The following VAV1 variants were observed in gnomAD, a reference collection of about 807,000 sequenced individuals.
VAV1 encodes the protein proto-oncogene vav.
VAV1 carries 33 observed loss-of-function variants against 128.1 expected under a neutral mutation model. That is an observed-to-expected ratio of 0.26 (90% CI 0.20 to 0.34). The LOEUF is 0.34. VAV1 is among the 10% of genes least tolerant of loss of function. The probability of loss-of-function intolerance (pLI) is 1.00; values close to 1 mark genes in which losing one functional copy is unlikely to be tolerated. For missense variants in VAV1, 715 were observed against 1,093.7 expected, an observed-to-expected ratio of 0.65 and a Z score of 4.88; for synonymous variants, 394 against 409.8, an observed-to-expected ratio of 0.96 and a Z score of 0.47.
intron 21 of VAV1, among the ~76,000 whole-genome samples, chr19:6,838,401 A>G (rs1351875726): frequency 3.9e-5 from 5 of 129,780 alleles, no homozygotes; most frequent in African/African-American, 1.4e-4. Flanking sequence ...CTATCCATCC[A>G]TCCATCCATC....
chr19:6,840,590 C>T (rs528310435), intron 21 of VAV1, among the ~76,000 whole-genome samples: 3 of 151,464 alleles, frequency 2.0e-5, no homozygotes, highest in Non-Finnish European at 4.4e-5. Context: ...TGAGCCACTG[C>T]GCCCGGCCTT....
chr19:6,836,952 C>T, intron 20 of VAV1, 33 bp from the exon 21 acceptor site: 2 of 1,611,992 alleles, frequency 1.2e-6, no homozygotes, highest in South Asian at 2.2e-5. Context: ...CCTATAACCT[C>T]TCTGTTCCTG....
At chr19:6,830,848 G>A (rs1447612945) in intron 14 of VAV1, among the ~76,000 whole-genome samples, 1 of 152,136 alleles carries the variant, frequency 6.6e-6, no homozygotes, top group Non-Finnish European at 1.5e-5. Flanking sequence ...AGTACTTTGG[G>A]AGGCCGAGGT....
In VAV1 at chr19:6,854,095, C is replaced by T. The variant is rs1193811625; in HGVS notation, c.2481C>T (p.Gly827=). The change falls in exon 26 of 27, where the codon GGC becomes GGT. Residue 827 remains glycine (G), a synonymous_variant. Transcript: ENST00000602142. The part of the protein sequence containing the change: ...QQGWWRGEIY[G]RVGWFPANYV... ...GCTGGTGGCGAGGGGAGATCTATGG[C>T]CGGGTGAGGCAGGCAGGGCTGGGTG... 8.7e-6 allele frequency: 14 copies of T among 1,612,362 alleles called. 2 individuals are homozygous for T. The Middle Eastern group carries it at 1.3e-3, about 146-fold the overall frequency.
intron 22 of VAV1, 53 bp from the exon 23 acceptor site, chr19:6,847,944 TG>T (rs1972564999): frequency 6.3e-6 from 9 of 1,421,222 alleles, no homozygotes; most frequent in African/African-American, 1.5e-5. Flanking sequence ...TATGGCAATA[TG>T]GGGACCCAGG....
At chr19:6,818,506 A>G (rs755674759) in intron 1 of VAV1, among the ~76,000 whole-genome samples, 3 of 152,154 alleles carry the variant, frequency 2.0e-5, no homozygotes, top group Non-Finnish European at 4.4e-5. Flanking sequence ...GGACCATTGC[A>G]TGCACTGTTC....
chr19:6,790,949 G>A (rs1341125982), intron 1 of VAV1, among the ~76,000 whole-genome samples: 2 of 152,176 alleles, frequency 1.3e-5, no homozygotes, highest in African/African-American at 4.8e-5. Flanking sequence ...CCTCTTCCCT[G>A]TTTCAGCTAG....
intron 24 of VAV1, among the ~76,000 whole-genome samples, chr19:6,851,055 C>T (rs187154627): frequency 2.4e-3 from 371 of 151,864 alleles, no homozygotes; most frequent in Middle Eastern, 0.014. Flanking sequence ...TATATACATA[C>T]ATATGTATGT....
chr19:6,779,333 A>C (rs1330376914), intron 1 of VAV1, among the ~76,000 whole-genome samples: 1 of 150,524 alleles, frequency 6.6e-6, no homozygotes, highest in Admixed American at 6.6e-5. Context: ...GATTACAGGC[A>C]TGAGCCACTG....
intron 1 of VAV1, among the ~76,000 whole-genome samples, chr19:6,815,002 T>C (rs1971615242): frequency 6.6e-6 from 1 of 152,006 alleles, no homozygotes; most frequent in African/African-American, 2.4e-5. Flanking sequence ...TACCGCATCT[T>C]TCATGTGTCT....
At chr19:6,847,016 C>T (rs796792594) in intron 22 of VAV1, among the ~76,000 whole-genome samples, 6 of 151,044 alleles carry the variant, frequency 4.0e-5, no homozygotes, top group African/African-American at 9.7e-5. Flanking sequence ...CGAGTTCAAG[C>T]GATTCTCTTG....
At chr19:6,818,275 G>T (rs1304090357) in intron 1 of VAV1, among the ~76,000 whole-genome samples, 1 of 152,176 alleles carries the variant, frequency 6.6e-6, no homozygotes, top group African/African-American at 2.4e-5. Context: ...AAAGACGTTG[G>T]CAAGGAACTT....
chr19:6,852,945 C>T lies in VAV1; in HGVS notation c.2218-20C>T, dbSNP rs199719830. The T allele has an allele frequency of 5.9e-5, 95 of 1,599,982 alleles. 1 individual carries two copies. The highest frequency in any genetic ancestry group is 8.1e-5 in the Non-Finnish European group (95 of 1,170,116). Reference sequence around the variant, plus strand: ...GGCTGGCCCGCTGGGATAGCATCTGCCATGTGGTCCGCCTTCTAGGAGCTG... The same window carrying T: ...GGCTGGCCCGCTGGGATAGCATCTGTCATGTGGTCCGCCTTCTAGGAGCTG... On this transcript the variant is annotated intron_variant, in intron 24 of 26. Transcript: ENST00000602142.
At chr19:6,795,113 G>C (rs1780397246) in intron 1 of VAV1, among the ~76,000 whole-genome samples, 1 of 152,084 alleles carries the variant, frequency 6.6e-6, no homozygotes, top group African/African-American at 2.4e-5. Flanking sequence ...TAACCTACTT[G>C]GAAATCACGC....
At position 6,825,340 on chromosome 19, in the gene VAV1, T is replaced by G; in HGVS notation, c.761T>G (p.Met254Arg). ...LRVHTHFLKEMKEALGTPGAA... is the reference protein window; with the variant it reads ...LRVHTHFLKERKEALGTPGAA... ...GTTCATACTCACTTCCTAAAGGAGA[T>G]GAAGGAAGCCCTGGGCACCCCTGGC... The change falls in exon 8 of 27, where the codon ATG becomes AGG. Residue 254 changes from methionine to arginine, a missense_variant. Transcript: ENST00000602142. 6.2e-7 allele frequency: 1 copy of G among 1,613,550 alleles called. No homozygotes were observed. The highest frequency in any genetic ancestry group is 8.5e-7 in the Non-Finnish European group (1 of 1,179,870).
At position 6,774,350 on chromosome 19, in the gene VAV1, G is replaced by T. The variant is rs139972688; in HGVS notation, c.204+1339G>T. ...TCACCGTGTTAGCCAGGATGGTCTC[G>T]ATCTCCCGACCTCATGATCCGCCCA... is the stretch of plus-strand genomic sequence containing the variant. On this transcript the variant is annotated intron_variant, in intron 1 of 26. Coordinates refer to ENST00000602142, the MANE Select transcript of VAV1 (RefSeq NM_005428.4). Among the ~76,000 whole-genome samples, 3 of 148,662 alleles carry T rather than the reference G, an allele frequency of 2.0e-5. No individual in the cohort carries two copies. The East Asian group carries it at 6.0e-4, about 30-fold the overall frequency.
At chr19:6,784,674 A>G (rs747525457) in intron 1 of VAV1, among the ~76,000 whole-genome samples, 2 of 151,928 alleles carry the variant, frequency 1.3e-5, no homozygotes, top group Non-Finnish European at 2.9e-5. Flanking sequence ...TTGTATTTTT[A>G]GTAGAGACGG....
At chr19:6,795,559 A>G (rs989322692) in intron 1 of VAV1, among the ~76,000 whole-genome samples, 2 of 152,020 alleles carry the variant, frequency 1.3e-5, no homozygotes, top group African/African-American at 4.8e-5. Context: ...GGAGCTGTCA[A>G]TATTGCTATT....
At chr19:6,809,324 CA>C (rs1395296877) in intron 1 of VAV1, among the ~76,000 whole-genome samples, 1 of 152,118 alleles carries the variant, frequency 6.6e-6, no homozygotes, top group Non-Finnish European at 1.5e-5. Flanking sequence ...TCTCCCACCC[CA>C]CCCAATCCTC....
Sources: allele counts gnomAD v4.1 joint callset (sites outside exome capture counted in the v4.1 genomes callset), GRCh38; gene constraint gnomAD v4.1.1; transcripts MANE v1.5; gene names NCBI Gene and HGNC (gene_info 2026-07-23, HGNC 2026-07-21).